The following TMEM40 variants were observed in gnomAD, a reference collection of about 807,000 sequenced individuals.
The protein encoded by TMEM40 is transmembrane protein 40.
Under a neutral mutation model 40.8 loss-of-function variants are expected in TMEM40, and 34 were observed. The observed-to-expected ratio is 0.83, with a 90% CI of 0.63 to 1.11. The LOEUF (loss-of-function observed/expected upper bound fraction) is 1.11. TMEM40 is among the 50% of genes least tolerant of loss of function. The pLI is 0.00. For missense variants in TMEM40, 296 were observed against 280.2 expected (o/e 1.06, Z -0.40); for synonymous variants, 106 against 107.0 (o/e 0.99, Z 0.06).
intron 2 of TMEM40, 76 bp downstream of exon 2, chr3:12,749,684 C>G: frequency 7.3e-7 from 1 of 1,373,520 alleles, no homozygotes; most frequent in Non-Finnish European, 1.0e-6. Flanking sequence ...TGAGCAGGGT[C>G]TTCTTCTGTC....
At chr3:12,755,209 T>TCTC (rs1553634004) in intron 1 of TMEM40, among the ~76,000 whole-genome samples, 16 of 78,124 alleles carry the variant, frequency 2.0e-4, no homozygotes, top group African/African-American at 1.0e-3. Context: ...CTTTCTTTCT[T>TCTC]TCTTTCTCTC....
upstream of TMEM40, among the ~76,000 whole-genome samples, chr3:12,763,409 A>C (rs1022028216): frequency 6.6e-6 from 1 of 152,152 alleles, no homozygotes; most frequent in African/African-American, 2.4e-5. Context: ...TAGAGCTGCC[A>C]GAAGTGTAAG....
At chr3:12,762,719 G>A (rs1327866556), upstream of TMEM40, among the ~76,000 whole-genome samples, 2 of 152,146 alleles carry the variant, frequency 1.3e-5, no homozygotes, top group Admixed American at 6.5e-5. Context: ...TATAGTCCCC[G>A]GACCAGCTGC....
chr3:12,736,980 G>T, intron 8 of TMEM40, 145 bp from the exon 9 acceptor site: 1 of 1,032,086 alleles, frequency 9.7e-7, no homozygotes, highest in Non-Finnish European at 1.5e-6. Flanking sequence ...CTGGGCTTAA[G>T]CAATTCTCCT....
At chr3:12,769,356 C>T (rs1463142712) in exon 1 of TMEM40, 6 of 258,286 alleles carry the variant, frequency 2.3e-5, no homozygotes, top group South Asian at 1.0e-4. Flanking sequence ...CCAGAGTGGG[C>T]GCCGAGGCTG....
At chr3:12,742,250 C>A (rs1176041612) in intron 5 of TMEM40, among the ~76,000 whole-genome samples, 2 of 151,894 alleles carry the variant, frequency 1.3e-5, no homozygotes, top group African/African-American at 4.8e-5. Flanking sequence ...AACAAAAACC[C>A]CAGAAAATGT....
chr3:12,738,273 G>A (rs1399186947), intron 6 of TMEM40, 105 bp from the exon 7 acceptor site: 2 of 1,321,130 alleles, frequency 1.5e-6, no homozygotes, highest in Non-Finnish European at 2.1e-6. Context: ...ATGTCCCCAT[G>A]GAATTCTGCA....
chr3:12,738,920 C>T, intron 5 of TMEM40: 20 of 288,302 alleles, frequency 6.9e-5, no homozygotes, highest in Non-Finnish European at 1.2e-4. Context: ...TTTGGGAGGC[C>T]AAGGTGGGCG....
chr3:12,743,685 T>C (rs2061400447), intron 4 of TMEM40, among the ~76,000 whole-genome samples: 1 of 152,190 alleles, frequency 6.6e-6, no homozygotes, highest in South Asian at 2.1e-4. Context: ...GATTCTATGA[T>C]TTGGCATCTT....
chr3:12,768,046 C>T (rs552942710), intron 1 of TMEM40, among the ~76,000 whole-genome samples: 2 of 152,134 alleles, frequency 1.3e-5, no homozygotes, highest in Admixed American at 1.3e-4. Context: ...AAGCCACAGA[C>T]CCTCGCAGTG....
At chr3:12,744,569 C>T (rs371147705) in intron 3 of TMEM40, among the ~76,000 whole-genome samples, 12 of 152,338 alleles carry the variant, frequency 7.9e-5, no homozygotes, top group African/African-American at 2.4e-4. Context: ...TGATGTGCCT[C>T]TCTCCAACCA....
chr3:12,736,434 G>C lies in TMEM40; in HGVS notation c.619+144C>G, dbSNP rs2061337747. 3.2e-6 allele frequency: 3 copies of C among 949,672 alleles called. No homozygotes were observed. In the South Asian group the frequency reaches 4.9e-5, roughly 16 times the overall value. The allele number at this position is 949,672 out of a possible 1,614,324, so 58.8% of individuals were successfully genotyped here. The stretch of plus-strand genomic sequence containing the variant: ...CAAAGTGCTGGGATTACAGGCGTAA[G>C]CCACCGCGCCTGGCCAGAAAATTTT... On this transcript the variant is annotated intron_variant, in intron 10 of 11. Transcript: ENST00000314124.
chr3:12,738,062 G>A, intron 7 of TMEM40, 74 bp downstream of exon 7: 1 of 1,580,194 alleles, frequency 6.3e-7, no homozygotes. Flanking sequence ...ACCCTCTCAG[G>A]CTGTCTGAGG....
At chr3:12,758,589 A>G (rs1301417559) in intron 1 of TMEM40, among the ~76,000 whole-genome samples, 1 of 151,964 alleles carries the variant, frequency 6.6e-6, no homozygotes, top group Non-Finnish European at 1.5e-5. Context: ...CCCCCTCCCC[A>G]TGGCCCAGCT....
intron 3 of TMEM40, among the ~76,000 whole-genome samples, chr3:12,745,727 G>A (rs1267018165): frequency 6.6e-6 from 1 of 152,160 alleles, no homozygotes; most frequent in Non-Finnish European, 1.5e-5. Context: ...GGAATTACAG[G>A]CGTGAGCCAC....
At chr3:12,755,224 TCTCTC>T (rs2061513938) in intron 1 of TMEM40, among the ~76,000 whole-genome samples, 1 of 87,922 alleles carries the variant, frequency 1.1e-5, no homozygotes, top group Non-Finnish European at 2.1e-5. Flanking sequence ...TCTCTCTCTC[TCTCTC>T]TCTCTCTTTC....
chr3:12,742,395 C>A lies in TMEM40; in HGVS notation c.355+59G>T, dbSNP rs2061390443. On this transcript the variant is annotated intron_variant, in intron 5 of 11. Transcript: ENST00000314124. ...CCCTCATGACCTTGTTTCTGCCCAG[C>A]AAAGCCCTCTTTTCCTTCGTCTAAT... The A allele has an allele frequency of 5.7e-6, 9 of 1,588,246 alleles. No individual in the cohort carries two copies. In the South Asian group the frequency reaches 8.9e-5, roughly 16 times the overall value.
intron 3 of TMEM40, among the ~76,000 whole-genome samples, chr3:12,746,286 A>G (rs917455225): frequency 3.3e-5 from 5 of 152,156 alleles, no homozygotes; most frequent in Non-Finnish European, 7.4e-5. Flanking sequence ...CATCACAAAG[A>G]CTGGCACATA....
At chr3:12,743,697 C>T (rs2061400524) in intron 4 of TMEM40, among the ~76,000 whole-genome samples, 3 of 152,052 alleles carry the variant, frequency 2.0e-5, no homozygotes, top group African/African-American at 7.2e-5. Context: ...TGGCATCTTT[C>T]TTTTTCAGTT....
Sources: gnomAD v4.1 joint callset for allele counts (sites outside exome capture counted in the v4.1 genomes callset) on GRCh38, gnomAD v4.1.1 for gene constraint, MANE v1.5 for transcripts, NCBI Gene and HGNC (gene_info 2026-07-23, HGNC 2026-07-21) for gene names.